EPG5: variants seen among roughly 807,000 people sequenced by gnomAD.
The protein encoded by EPG5 is ectopic P granules protein 5 homolog.
A neutral mutation model predicts 302.7 loss-of-function variants in EPG5; 159 were observed. That is an observed-to-expected ratio of 0.53 (90% confidence interval 0.46 to 0.60). The LOEUF (loss-of-function observed/expected upper bound fraction) is 0.60. Among genes scored for constraint, EPG5 ranks in the 20% least tolerant of loss-of-function variants. EPG5 has a pLI of 0.00. For missense variants in EPG5, 2,896 were observed against 3,092.4 expected (o/e 0.94, Z 1.51); for synonymous variants, 1,158 against 1,136.8 (o/e 1.02, Z -0.37).
At chr18:45,860,470 C>A in intron 39 of EPG5, 124 bp from the exon 40 acceptor site, 1 of 1,185,738 alleles carries the variant, frequency 8.4e-7, no homozygotes. Context: ...TAGTAGCTGA[C>A]TGCAAGGGAC....
Position 45,848,058 on chromosome 18 carries a change from A to C in EPG5, c.*4409T>G, listed in dbSNP as rs1445582525. ...CCAGAGTGAAGGAAACCTCAAATAC[A>C]GCTACTCCTGGACACTGATGCCCGA... is the stretch of plus-strand genomic sequence containing the variant. On this transcript the variant is annotated 3_prime_UTR_variant, in exon 44 of 44. Coordinates refer to ENST00000282041, the MANE Select transcript of EPG5 (RefSeq NM_020964.3). 6.6e-6 allele frequency: 1 copy of C among 152,164 alleles called. No homozygotes were observed. The highest frequency in any genetic ancestry group is 1.5e-5 in the Non-Finnish European group (1 of 68,026). 9.4% of individuals were successfully genotyped at this position (152,164 alleles called of 1,614,324 possible).
the EPG5 span, among the ~76,000 whole-genome samples, chr18:45,806,006 T>A: frequency 6.6e-6 from 1 of 152,194 alleles, no homozygotes; most frequent in African/African-American, 2.4e-5. Flanking sequence ...ACCAACTACC[T>A]TTTTTATTTA....
At position 45,899,987 on chromosome 18, in the gene EPG5, G is replaced by A. The variant is rs1374692968; in HGVS notation, c.4647-421C>T. 3.3e-5 allele frequency among the ~76,000 whole-genome samples: 5 copies of A among 152,314 alleles called. No individual in the cohort carries two copies. In the East Asian group the frequency reaches 9.7e-4, roughly 29 times the overall value. ...CAAGAAAGCTAATCGCATACATGGG[G>A]TGTCAAAACTGGTCTAACGGTATGT... On this transcript the variant is annotated intron_variant, in intron 26 of 43. Transcript: ENST00000282041.
At chr18:45,807,667 A>G in the EPG5 span, among the ~76,000 whole-genome samples, 1 of 152,208 alleles carries the variant, frequency 6.6e-6, no homozygotes, top group Admixed American at 6.5e-5. Context: ...AGCCACATCC[A>G]TAGGAAAAGG....
chr18:45,870,725 C>T lies in EPG5; in HGVS notation c.6067G>A (p.Asp2023Asn). 1 of 1,606,460 alleles carries T rather than the reference C, an allele frequency of 6.2e-7. No homozygotes were observed. Among genetic ancestry groups the T allele is most frequent in the Non-Finnish European group, 8.5e-7 (1 of 1,175,338 alleles). The change falls in exon 36 of 44, where the codon GAT (aspartate) becomes AAT (asparagine). Residue 2023 changes from aspartate (D) to asparagine (N), a missense_variant. Asp to Asn is a conservative substitution (Grantham distance 23). This residue lies in a region of EPG5 where 620 missense variants were observed against 704.2 expected (regional missense o/e 0.88). Coordinates refer to ENST00000282041, the MANE Select transcript of EPG5 (RefSeq NM_020964.3). Reference sequence around the variant, plus strand: ...AGGTGCAACCAAAGGGCTCCTGCATCACCTGGCAACAGCTTATCTAGAATG... The same window carrying T: ...AGGTGCAACCAAAGGGCTCCTGCATTACCTGGCAACAGCTTATCTAGAATG... ...ESFKDKLLPGDAGALWLHLMH... is the reference protein window; with the variant it reads ...ESFKDKLLPGNAGALWLHLMH...
rs115239480 is a variant in EPG5, at chr18:45,930,091, T to C, written c.2412+585A>G. 5.8e-3 allele frequency among the ~76,000 whole-genome samples: 883 copies of C among 152,276 alleles called. 15 individuals carry two copies. The highest frequency in any genetic ancestry group is 0.021 in the African/African-American group (852 of 41,560). On this transcript the variant is annotated intron_variant, in intron 12 of 43. Coordinates refer to ENST00000282041, the MANE Select transcript of EPG5 (RefSeq NM_020964.3). ...TAACCACTTTGGGCTAGTCCCTAGA[T>C]GCTCAGGGGTCCAAATTTCACTCCC... is the stretch of plus-strand genomic sequence containing the variant.
chr18:45,841,678 T>C, the EPG5 span, among the ~76,000 whole-genome samples: 2 of 152,106 alleles, frequency 1.3e-5, no homozygotes, highest in Non-Finnish European at 2.9e-5. Context: ...GCCTGAGCCC[T>C]GGGTCCCACT....
At chr18:45,856,002 C>T (rs1039123252) in intron 42 of EPG5, among the ~76,000 whole-genome samples, 4 of 152,170 alleles carry the variant, frequency 2.6e-5, no homozygotes, top group Non-Finnish European at 5.9e-5. Flanking sequence ...AGTTCCTCAA[C>T]AAGTGAAGCA....
chr18:45,816,139 T>C, the EPG5 span, among the ~76,000 whole-genome samples: 3 of 152,072 alleles, frequency 2.0e-5, no homozygotes, highest in Non-Finnish European at 1.5e-5. Context: ...AAAAATCAAC[T>C]CAAGATGGAT....
chr18:45,837,665 G>T, the EPG5 span: 1 of 1,497,348 alleles, frequency 6.7e-7, no homozygotes, highest in Non-Finnish European at 8.8e-7. Context: ...GCCCTATGCG[G>T]GCCCGCAGGT....
At chr18:45,895,581 A>G (rs2049452386) in intron 27 of EPG5, among the ~76,000 whole-genome samples, 1 of 152,228 alleles carries the variant, frequency 6.6e-6, no homozygotes, top group South Asian at 2.1e-4. Flanking sequence ...CAGGATAACT[A>G]GCAATTTAAG....
intron 35 of EPG5, among the ~76,000 whole-genome samples, chr18:45,872,900 T>C (rs2048901240): frequency 6.6e-6 from 1 of 152,220 alleles, no homozygotes; most frequent in South Asian, 2.1e-4. Flanking sequence ...GGTAAGTATG[T>C]AGAAGATATC....
intron 16 of EPG5, among the ~76,000 whole-genome samples, chr18:45,918,170 T>C (rs763846984): frequency 1.4e-4 from 21 of 152,308 alleles, no homozygotes; most frequent in Non-Finnish European, 2.5e-4. Flanking sequence ...CTAAGAGCCG[T>C]AGGGACTCTC....
At chr18:45,879,978 T>G in intron 32 of EPG5, 97 bp downstream of exon 32, 1 of 1,363,066 alleles carries the variant, frequency 7.3e-7, no homozygotes. Context: ...ACATGGCTCT[T>G]AAAGATAATG....
intron 11 of EPG5, among the ~76,000 whole-genome samples, chr18:45,932,685 T>C (rs779171156): frequency 1.1e-4 from 16 of 152,034 alleles, no homozygotes; most frequent in Non-Finnish European, 2.1e-4. Context: ...AAACAGCAAA[T>C]TAGAGCAGGA....
At chr18:45,811,446 A>G in the EPG5 span, among the ~76,000 whole-genome samples, 133 of 152,326 alleles carry the variant, frequency 8.7e-4, no homozygotes, top group African/African-American at 3.0e-3. Flanking sequence ...AAAGCCTGAC[A>G]GAGACACACA....
chr18:45,927,196 C>T lies in EPG5; in HGVS notation c.2554-1294G>A, dbSNP rs1283822176. Among the ~76,000 whole-genome samples the T allele has an allele frequency of 2.0e-5, 3 of 151,882 alleles. No individual in the cohort carries two copies. The East Asian group carries it at 5.8e-4, about 29-fold the overall frequency. ...TACAGGTGCCCGCCACCACACCCGG[C>T]TAATTTGTTTTTTTTTCCATTTTTA... On this transcript the variant is annotated intron_variant, in intron 13 of 43. Coordinates refer to ENST00000282041, the MANE Select transcript of EPG5 (RefSeq NM_020964.3).
chr18:45,890,215 A>G (rs1568126266), intron 27 of EPG5: 1 of 257,902 alleles, frequency 3.9e-6, no homozygotes, highest in Admixed American at 5.3e-5. Context: ...AAGCACAGGA[A>G]GCCCCTCCAC....
At chr18:45,917,385 C>T (rs2050057101) in intron 17 of EPG5, among the ~76,000 whole-genome samples, 3 of 152,166 alleles carry the variant, frequency 2.0e-5, no homozygotes, top group Admixed American at 2.0e-4. Flanking sequence ...AAGCACGATT[C>T]CCAGAATCTC....
Sources: gnomAD v4.1 joint callset for allele counts (sites outside exome capture counted in the v4.1 genomes callset) on GRCh38, gnomAD v4.1.1 for gene constraint, gnomAD v4.1.1 regional missense constraint, MANE v1.5 for transcripts, NCBI Gene and HGNC (gene_info 2026-07-23, HGNC 2026-07-21) for gene names.